THOC5: variants seen among roughly 807,000 people sequenced by gnomAD.
THOC5 encodes the protein THO complex subunit 5, also known as Fms-interacting protein.
Under a neutral mutation model 92.9 loss-of-function variants are expected in THOC5, and 43 were observed. The observed-to-expected ratio is 0.46, with a 90% CI of 0.36 to 0.60. THOC5 has a LOEUF of 0.60. Ranked by LOEUF, THOC5 falls within the 20% of genes least tolerant of loss-of-function variation. The pLI is 0.00. For missense variants in THOC5, 659 were observed against 849.4 expected, an observed-to-expected ratio of 0.78 and a Z score of 2.79; for synonymous variants, 296 against 320.1, an observed-to-expected ratio of 0.92 and a Z score of 0.80.
intron 12 of THOC5, among the ~76,000 whole-genome samples, chr22:29,523,263 AAAT>A (rs2063480383): frequency 6.6e-6 from 1 of 151,988 alleles, no homozygotes; most frequent in South Asian, 2.1e-4. Context: ...ATAAATAAAT[AAAT>A]AATAAAATAA....
chr22:29,523,592 C>G (rs887836283), intron 12 of THOC5, among the ~76,000 whole-genome samples: 2 of 152,154 alleles, frequency 1.3e-5, no homozygotes, highest in African/African-American at 4.8e-5. Flanking sequence ...ACCTACAGAG[C>G]AAACGACCCA....
chr22:29,525,697 C>G, intron 12 of THOC5, 141 bp downstream of exon 12: 1 of 570,206 alleles, frequency 1.8e-6, no homozygotes, highest in Non-Finnish European at 3.1e-6. Context: ...GCCAGGACTT[C>G]TGGTCCATCT....
intron 19 of THOC5, 149 bp from the exon 20 acceptor site, chr22:29,508,669 A>G: frequency 1.4e-6 from 1 of 716,838 alleles, no homozygotes; most frequent in South Asian, 1.8e-5. Context: ...ACAACATATA[A>G]GGTGCGATAC....
chr22:29,527,973 C>A (rs1248239238), intron 11 of THOC5, 105 bp downstream of exon 11: 1 of 1,000,922 alleles, frequency 1.0e-6, no homozygotes, highest in Non-Finnish European at 1.5e-6. Context: ...AAATGGGAAT[C>A]CTTTGTTGGG....
chr22:29,517,169 C>T (rs2063349410), intron 16 of THOC5, 53 bp from the exon 17 acceptor site: 1 of 1,609,870 alleles, frequency 6.2e-7, no homozygotes. Context: ...CTGGTTAAAC[C>T]CCCTGCTCTT....
intron 17 of THOC5, among the ~76,000 whole-genome samples, chr22:29,512,616 T>C (rs924587109): frequency 1.2e-4 from 18 of 152,358 alleles, no homozygotes; most frequent in Non-Finnish European, 1.5e-4. Context: ...AGCCAACATG[T>C]AGAGAGTCCT....
intron 5 of THOC5, among the ~76,000 whole-genome samples, chr22:29,541,875 AAAAAAAAAAAAAAAAAAAATATATAT>A (rs1569230818): frequency 1.8e-4 from 12 of 66,512 alleles, no homozygotes; most frequent in African/African-American, 5.3e-4. Context: ...AAAAAAAAAA[AAAAAAAAAAAAAAAAAAAATATATAT>A]ATATATATAT....
rs191935250 is a variant in THOC5 at position 29,512,013 on chromosome 22, G to T, written c.1797+8C>A. On this transcript the variant is annotated splice_region_variant and intron_variant, in intron 18 of 19. Transcript: ENST00000490103. ...CTGCTCCTCCTGTCATCCCCAGCTG[G>T]GTCTTACCCGAATGTTGTCATCGTT... The T allele has an allele frequency of 4.3e-6, 7 of 1,612,562 alleles. No individual in the cohort carries two copies. The Admixed American group carries it at 1.2e-4, about 27-fold the overall frequency.
chr22:29,548,966 G>T, intron 2 of THOC5, 86 bp downstream of exon 2: 1 of 1,343,026 alleles, frequency 7.4e-7, no homozygotes, highest in South Asian at 1.3e-5. Context: ...TGGTAGATGC[G>T]ACCCCGAGCT....
chr22:29,520,965 G>C (rs779376260), intron 13 of THOC5, 33 bp downstream of exon 13: 177 of 1,538,196 alleles, frequency 1.2e-4, no homozygotes, highest in Non-Finnish European at 1.5e-4. Context: ...CTCAGAAGTA[G>C]AGAGCTCGGA....
chr22:29,512,658 T>C (rs2063247947), intron 17 of THOC5, among the ~76,000 whole-genome samples: 1 of 152,212 alleles, frequency 6.6e-6, no homozygotes, highest in Non-Finnish European at 1.5e-5. Flanking sequence ...CTAAACCCTC[T>C]AGACACATTT....
intron 9 of THOC5, chr22:29,528,823 T>C: frequency 2.0e-6 from 1 of 499,698 alleles, no homozygotes; most frequent in East Asian, 3.5e-5. Context: ...GTGCTGAGAA[T>C]TATGCTAAAG....
chr22:29,506,452 C>T lies in THOC5; in HGVS notation c.*2005G>A, dbSNP rs1053279913. Reference sequence around the variant, plus strand: ...CTTTGGGAGGCCGAGGTGGGAGGATCATTTGAGCCCAGGAGTTTGAGACCA... The same window carrying T: ...CTTTGGGAGGCCGAGGTGGGAGGATTATTTGAGCCCAGGAGTTTGAGACCA... On this transcript the variant is annotated 3_prime_UTR_variant, in exon 20 of 20. Coordinates refer to ENST00000490103, the MANE Select transcript of THOC5 (RefSeq NM_003678.5). 3 of 152,146 alleles carry T rather than the reference C, an allele frequency of 2.0e-5. No homozygotes were observed. The highest frequency in any genetic ancestry group is 4.4e-5 in the Non-Finnish European group (3 of 68,042). 9.4% of individuals were successfully genotyped at this position (152,146 alleles called of 1,614,324 possible).
chr22:29,547,439 C>T (rs1370790177), intron 2 of THOC5, among the ~76,000 whole-genome samples: 4 of 152,084 alleles, frequency 2.6e-5, no homozygotes, highest in Non-Finnish European at 5.9e-5. Flanking sequence ...TCTTGGCTCA[C>T]TGCAACCTCT....
rs767749920 is a variant in THOC5 at position 29,531,885 on chromosome 22, G to A, written c.793C>T (p.Pro265Ser). ...ACAAAGAGGACATAGAGGGGAGGCG[G>A]CAGGTGTCTGGCTGTCTCATACTGC... Reference protein sequence around the residue: ...HKQYETARHLPPPLYVLFVQA... With the variant: ...HKQYETARHLSPPLYVLFVQA... Residue 265 changes from proline to serine, a missense_variant, in exon 8 of 20, where the codon CCG (proline) becomes TCG (serine). Coordinates refer to ENST00000490103, the MANE Select transcript of THOC5 (RefSeq NM_003678.5). 2 of 1,614,194 alleles carry A rather than the reference G, an allele frequency of 1.2e-6. No homozygotes were observed. The highest frequency in any genetic ancestry group is 1.7e-6 in the Non-Finnish European group (2 of 1,180,044).
intron 4 of THOC5, 68 bp downstream of exon 4, chr22:29,543,361 A>AAG: frequency 9.3e-7 from 1 of 1,071,284 alleles, no homozygotes; most frequent in Non-Finnish European, 1.3e-6. Context: ...AAAAAAAAAA[A>AAG]AAAAAAAAAA....
At chr22:29,530,803 T>C (rs1412665136) in intron 8 of THOC5, among the ~76,000 whole-genome samples, 1 of 152,016 alleles carries the variant, frequency 6.6e-6, no homozygotes, top group Admixed American at 6.6e-5. Context: ...ACCGTCCAAC[T>C]CCATTCTTAA....
chr22:29,521,122 C>A (rs372472615), intron 12 of THOC5, 23 bp from the exon 13 acceptor site: 159 of 1,552,680 alleles, frequency 1.0e-4, no homozygotes, highest in Non-Finnish European at 1.4e-4. Context: ...AAACAGTAAG[C>A]AGTGAGAATG....
intron 17 of THOC5, 59 bp downstream of exon 17, chr22:29,516,970 G>A: frequency 1.3e-6 from 2 of 1,547,268 alleles, no homozygotes; most frequent in Non-Finnish European, 1.8e-6. Flanking sequence ...GCCCCGGAGA[G>A]TGTTTGATTC....
Sources: allele counts gnomAD v4.1 joint callset (sites outside exome capture counted in the v4.1 genomes callset), GRCh38; gene constraint gnomAD v4.1.1; transcripts MANE v1.5; gene names NCBI Gene and HGNC (gene_info 2026-07-23, HGNC 2026-07-21).